The following FAT1 variants were observed in gnomAD, a reference collection of about 807,000 sequenced individuals.
FAT1 encodes the protein FAT atypical cadherin 1.
Under a neutral mutation model 329.8 loss-of-function variants are expected in FAT1, and 171 were observed. That is an observed-to-expected ratio of 0.52 (90% confidence interval 0.46 to 0.59). The LOEUF (loss-of-function observed/expected upper bound fraction) is 0.59. Among genes scored for constraint, FAT1 ranks in the 20% least tolerant of loss-of-function variants. FAT1 has a pLI of 0.00. For missense variants in FAT1, 5,672 were observed against 5,774.4 expected (o/e 0.98, Z 0.57); for synonymous variants, 2,233 against 2,228.6 (o/e 1.00, Z -0.06).
chr4:186,662,359 G>T (rs1742214782), intron 3 of FAT1, among the ~76,000 whole-genome samples: 1 of 152,156 alleles, frequency 6.6e-6, no homozygotes, highest in African/African-American at 2.4e-5. Context: ...CACTTGTGCA[G>T]TAAAGGAACA....
In FAT1 at chr4:186,629,042, G is replaced by A. The variant is rs535103843; in HGVS notation, c.4324-279C>T. ...ATTTTCACACTTGCCACGTCTTTAC[G>A]TGGGCTTAACTTCTCTTACGCCTCC... On this transcript the variant is annotated intron_variant, in intron 7 of 26. Transcript: ENST00000441802. Among the ~76,000 whole-genome samples the A allele has an allele frequency of 1.2e-4, 19 of 152,164 alleles. 1 individual carries two copies. Among genetic ancestry groups the A allele is most frequent in the African/African-American group, 4.6e-4 (19 of 41,524 alleles).
intron 26 of FAT1, among the ~76,000 whole-genome samples, chr4:186,593,501 T>G (rs745528619): frequency 4.6e-5 from 7 of 152,078 alleles, no homozygotes; most frequent in Non-Finnish European, 8.8e-5. Flanking sequence ...GTTGACGCGG[T>G]TCAGATAAGG....
At chr4:186,617,275 T>C (rs1739758108) in intron 10 of FAT1, 74 bp from the exon 11 acceptor site, 1 of 1,041,438 alleles carries the variant, frequency 9.6e-7, no homozygotes, top group Admixed American at 2.9e-5. Flanking sequence ...AAAAATAAAC[T>C]GTACAAAAGA....
chr4:186,640,047 T>C (rs1235103492), intron 3 of FAT1, among the ~76,000 whole-genome samples: 6 of 152,082 alleles, frequency 3.9e-5, no homozygotes, highest in South Asian at 2.1e-4. Context: ...GGCAGGAGAA[T>C]TGCTTGAACC....
Position 186,599,881 on chromosome 4 carries a change from A to G in FAT1, c.12103+17T>C. 1 of 1,590,602 alleles carries G rather than the reference A, an allele frequency of 6.3e-7. No individual in the cohort carries two copies. The highest frequency in any genetic ancestry group is 2.2e-5 in the East Asian group (1 of 44,608). ...ACACGTGCAGCATTTTAAAGATGGCAACATTACGGAGCCCACCTCCAGCAG... is the reference window on the plus strand; with the variant it reads ...ACACGTGCAGCATTTTAAAGATGGCGACATTACGGAGCCCACCTCCAGCAG... On this transcript the variant is annotated intron_variant, in intron 22 of 26. Coordinates refer to ENST00000441802, the MANE Select transcript of FAT1 (RefSeq NM_005245.4).
intron 9 of FAT1, among the ~76,000 whole-genome samples, chr4:186,623,118 C>CGTAA (rs1740127337): frequency 6.6e-6 from 1 of 152,220 alleles, no homozygotes; most frequent in Non-Finnish European, 1.5e-5. Flanking sequence ...TTCATTAAGT[C>CGTAA]TTACTGGCTC....
At chr4:186,649,731 C>T (rs1326366571) in intron 3 of FAT1, among the ~76,000 whole-genome samples, 4 of 152,064 alleles carry the variant, frequency 2.6e-5, no homozygotes, top group African/African-American at 4.8e-5. Flanking sequence ...TCCAGAACCG[C>T]GACAGAATCC....
At chr4:186,629,211 T>C (rs1434592627) in intron 7 of FAT1, among the ~76,000 whole-genome samples, 1 of 152,202 alleles carries the variant, frequency 6.6e-6, no homozygotes, top group Non-Finnish European at 1.5e-5. Flanking sequence ...AAATTTCTCA[T>C]TCTCATCTTT....
chr4:186,679,151 C>T (rs1159797478), intron 2 of FAT1, among the ~76,000 whole-genome samples: 10 of 152,086 alleles, frequency 6.6e-5, no homozygotes, highest in East Asian at 1.9e-4. Context: ...GAGGCCGAGG[C>T]GGGTGGATCA....
In FAT1 at chr4:186,636,118, T is replaced by C; in HGVS notation, c.4090A>G (p.Thr1364Ala). The change falls in exon 6 of 27, where the codon ACC becomes GCC. Residue 1364 changes from threonine (T) to alanine (A), a missense_variant. Thr to Ala is a moderately conservative substitution (Grantham distance 58). This residue lies in a region of FAT1 where 3,966 missense variants were observed against 3,915.2 expected (regional missense o/e 1.01). Coordinates refer to ENST00000441802, the MANE Select transcript of FAT1 (RefSeq NM_005245.4). Reference protein sequence around the residue: ...EPISFEESFFTFTVMESDPVA... With the variant: ...EPISFEESFFAFTVMESDPVA... ...GGGTCACTTTCCATCACAGTAAAGG[T>C]AAAAAATGATTCTTCAAATGAAATG... 1 of 1,613,902 alleles carries C rather than the reference T, an allele frequency of 6.2e-7. No individual in the cohort carries two copies. Among genetic ancestry groups the C allele is most frequent in the Non-Finnish European group, 8.5e-7 (1 of 1,179,870 alleles).
At chr4:186,604,661 T>C in intron 17 of FAT1, 87 bp from the exon 18 acceptor site, 1 of 815,034 alleles carries the variant, frequency 1.2e-6, no homozygotes, top group Non-Finnish European at 1.9e-6. Flanking sequence ...TTCTATAATA[T>C]AAAATACATA....
intron 3 of FAT1, among the ~76,000 whole-genome samples, chr4:186,655,080 T>C (rs1741842008): frequency 6.6e-6 from 1 of 152,194 alleles, no homozygotes; most frequent in Non-Finnish European, 1.5e-5. Flanking sequence ...TACTATGTGA[T>C]TGCATTATGT....
chr4:186,622,437 C>T (rs1740090228), intron 9 of FAT1, among the ~76,000 whole-genome samples: 1 of 152,138 alleles, frequency 6.6e-6, no homozygotes, highest in Non-Finnish European at 1.5e-5. Flanking sequence ...CACTACTTGT[C>T]GGAAGAGGGT....
intron 14 of FAT1, among the ~76,000 whole-genome samples, chr4:186,610,649 ATATAAATATAAAT>A (rs1739380989): frequency 1.1e-5 from 1 of 88,734 alleles, no homozygotes; most frequent in Admixed American, 1.4e-4. Flanking sequence ...TATATAATTT[ATATAAATATAAAT>A]TATATAATTT....
At position 186,707,014 on chromosome 4, in the gene FAT1, C is replaced by G. The variant is rs1744653061; in HGVS notation, c.2814G>C (p.Glu938Asp). ...TGATGACGGTTCCTTCTGGAAGATC[C>G]TCTCGGACTTTCACACGATAATTAG... is the stretch of plus-strand genomic sequence containing the variant. ...IPPNYRVKVREDLPEGTVIMW... is the reference protein window; with the variant it reads ...IPPNYRVKVRDDLPEGTVIMW... Residue 938 changes from glutamate (E) to aspartate (D), a missense_variant, in exon 2 of 27, where the codon GAG (glutamate) becomes GAC (aspartate). Physicochemically the swap from Glu to Asp is conservative, Grantham distance 45. Around this residue, in one of 2 missense-constraint regions of FAT1, gnomAD observed 3,966 missense variants for 3,915.2 expected, o/e 1.01. Coordinates refer to ENST00000441802, the MANE Select transcript of FAT1 (RefSeq NM_005245.4). 1 of 1,613,982 alleles carries G rather than the reference C, an allele frequency of 6.2e-7. No individual in the cohort carries two copies. The highest frequency in any genetic ancestry group is 8.5e-7 in the Non-Finnish European group (1 of 1,179,894).
In FAT1 at chr4:186,628,649, C is replaced by T. The variant is rs1265665104; in HGVS notation, c.4438G>A (p.Ala1480Thr). 6.2e-7 allele frequency: 1 copy of T among 1,613,978 alleles called. No individual in the cohort carries two copies. The highest frequency in any genetic ancestry group is 1.1e-5 in the South Asian group (1 of 91,080). Residue 1480 changes from alanine to threonine, a missense_variant, in exon 8 of 27, where the codon GCT becomes ACT. Physicochemically the swap from Ala to Thr is moderately conservative, Grantham distance 58 (BLOSUM62 0). Coordinates refer to ENST00000441802, the MANE Select transcript of FAT1 (RefSeq NM_005245.4). The part of the protein sequence containing the change: ...APETEILQIS[A>T]VDQDEKNKLI... ...TTGTTTTTCTCATCCTGATCCACAGCACTGATTTGCAAAATTTCTGTTTCT... is the reference window on the plus strand; with the variant it reads ...TTGTTTTTCTCATCCTGATCCACAGTACTGATTTGCAAAATTTCTGTTTCT...
intron 2 of FAT1, among the ~76,000 whole-genome samples, chr4:186,699,133 A>G (rs750781462): frequency 3.3e-5 from 5 of 152,220 alleles, no homozygotes; most frequent in Non-Finnish European, 7.3e-5. Flanking sequence ...GCAAGTACTC[A>G]CTAAACGTTA....
Position 186,695,833 on chromosome 4 carries a change from C to T in FAT1, c.3265+10730G>A, listed in dbSNP as rs1255296305. ...TGAGACGGAGTTTCACTCTTGTCCC[C>T]CAGGCTGAAGGGCAGTGGCACAATC... On this transcript the variant is annotated intron_variant, in intron 2 of 26. Transcript: ENST00000441802. Among the ~76,000 whole-genome samples the T allele has an allele frequency of 2.0e-5, 3 of 151,566 alleles. No individual in the cohort carries two copies. The South Asian group carries it at 6.3e-4, about 32-fold the overall frequency.
At position 186,633,720 on chromosome 4, in the gene FAT1, G is replaced by A. The variant is rs772770463; in HGVS notation, c.4287C>T (p.Val1429=). The A allele has an allele frequency of 5.6e-6, 9 of 1,613,718 alleles. No individual in the cohort carries two copies. Among genetic ancestry groups the A allele is most frequent in the South Asian group, 2.2e-5 (2 of 91,088 alleles). ...AEQKSNYNLT[V]EATDGTTTIL... ...TAGTGGTGGTTCCATCTGTAGCCTC[G>A]ACTGTGAGGTTGTAGTTTGACTTCT... The change falls in exon 7 of 27, where the codon GTC becomes GTT. Residue 1429 remains valine, a synonymous_variant. Coordinates refer to ENST00000441802, the MANE Select transcript of FAT1 (RefSeq NM_005245.4).
Sources: gnomAD v4.1 joint callset for allele counts (sites outside exome capture counted in the v4.1 genomes callset) on GRCh38, gnomAD v4.1.1 for gene constraint, gnomAD v4.1.1 regional missense constraint, MANE v1.5 for transcripts, NCBI Gene and HGNC (gene_info 2026-07-23, HGNC 2026-07-21) for gene names.